DLG2: variants seen among roughly 807,000 people sequenced by gnomAD.
DLG2 encodes discs large MAGUK scaffold protein 2.
In DLG2, 45 loss-of-function variants were observed where a neutral mutation model predicts 132.5. The ratio of observed to expected loss-of-function variants is 0.34; its 90% CI spans 0.27 to 0.44. The LOEUF is 0.44. Among genes scored for constraint, DLG2 ranks in the 20% least tolerant of loss-of-function variants. The pLI is 1.00. For synonymous variants in DLG2, 424 were observed against 419.6 expected (o/e 1.01, Z -0.13); for missense variants, 1,045 against 1,196.9 (o/e 0.87, Z 1.87).
chr11:84,571,107 T>G (rs147560082), intron 6 of DLG2, among the ~76,000 whole-genome samples: 1 of 152,132 alleles, frequency 6.6e-6, no homozygotes, highest in Non-Finnish European at 1.5e-5. Context: ...TAAAAGGGAG[T>G]AAATAAAAAG....
intron 6 of DLG2, among the ~76,000 whole-genome samples, chr11:84,996,468 C>T (rs2057661683): frequency 6.6e-6 from 1 of 152,096 alleles, no homozygotes. Flanking sequence ...ACTTAAGTCA[C>T]CAGTGGTAAT....
intron 16 of DLG2, among the ~76,000 whole-genome samples, chr11:83,850,902 C>T (rs953822641): frequency 3.9e-5 from 6 of 152,096 alleles, no homozygotes; most frequent in South Asian, 2.1e-4. Flanking sequence ...TGAGGCCGGG[C>T]GCGGTGGCTC....
chr11:84,753,285 G>A (rs2066423639), intron 6 of DLG2, among the ~76,000 whole-genome samples: 1 of 152,158 alleles, frequency 6.6e-6, no homozygotes, highest in Non-Finnish European at 1.5e-5. Context: ...GGATAAAGAT[G>A]TGACTGGATA....
At chr11:84,297,389 T>C (rs1463135628) in intron 7 of DLG2, among the ~76,000 whole-genome samples, 3 of 152,144 alleles carry the variant, frequency 2.0e-5, no homozygotes, top group Admixed American at 2.0e-4. Flanking sequence ...AGATATATAA[T>C]ACCTGCAAGT....
chr11:85,558,648 G>C (rs913246179), intron 3 of DLG2, among the ~76,000 whole-genome samples: 15 of 151,824 alleles, frequency 9.9e-5, no homozygotes, highest in African/African-American at 3.6e-4. Context: ...CAATAACATG[G>C]ACAGAGCTGA....
At chr11:84,101,572 T>C (rs188742856) in intron 9 of DLG2, among the ~76,000 whole-genome samples, 1 of 152,216 alleles carries the variant, frequency 6.6e-6, no homozygotes. Context: ...GATCAGTATA[T>C]TTCACGTACT....
chr11:83,575,864 A>G lies in DLG2; in HGVS notation c.1941-34006T>C, dbSNP rs149295465. Among the ~76,000 whole-genome samples the G allele has an allele frequency of 5.8e-3, 876 of 152,318 alleles. 5 individuals carry two copies. The highest frequency in any genetic ancestry group is 0.024 in the Middle Eastern group (7 of 294). ...TGGCCCCAATAAAGTAAAATTCACC[A>G]TGTCTGGCATTTAGTCAAATATTAC... On this transcript the variant is annotated intron_variant, in intron 19 of 27. Coordinates refer to ENST00000376104, the MANE Select transcript of DLG2 (RefSeq NM_001142699.3).
chr11:85,580,345 G>A (rs1219923644), intron 3 of DLG2, among the ~76,000 whole-genome samples: 3 of 152,152 alleles, frequency 2.0e-5, no homozygotes, highest in Non-Finnish European at 4.4e-5. Context: ...CAGAAGTAAG[G>A]CAGCCAGGAG....
chr11:85,251,085 T>C (rs537637000), intron 4 of DLG2, among the ~76,000 whole-genome samples: 1 of 152,250 alleles, frequency 6.6e-6, no homozygotes, highest in East Asian at 1.9e-4. Context: ...ATTCTCAGTA[T>C]AAAAATTGTT....
chr11:83,655,197 A>C (rs1566331148), intron 18 of DLG2, among the ~76,000 whole-genome samples: 1 of 152,218 alleles, frequency 6.6e-6, no homozygotes, highest in East Asian at 1.9e-4. Context: ...ACATAATCTT[A>C]ACACCTAGTT....
intron 5 of DLG2, among the ~76,000 whole-genome samples, chr11:85,117,685 T>A (rs1056967523): frequency 4.0e-5 from 6 of 150,948 alleles, no homozygotes; most frequent in African/African-American, 1.5e-4. Flanking sequence ...AAGAGAAGTC[T>A]ATGACATCCC....
At chr11:84,952,242 G>C (rs1447717819) in intron 6 of DLG2, among the ~76,000 whole-genome samples, 2 of 152,156 alleles carry the variant, frequency 1.3e-5, no homozygotes, top group Non-Finnish European at 2.9e-5. Flanking sequence ...TTTTCTCAGT[G>C]CTTAAGAATA....
intron 7 of DLG2, among the ~76,000 whole-genome samples, chr11:84,377,331 G>A (rs980027504): frequency 1.3e-5 from 2 of 151,850 alleles, no homozygotes; most frequent in African/African-American, 2.4e-5. Flanking sequence ...AGATTAAAGG[G>A]AATTTAAAAG....
rs144477964 is a variant in DLG2, at chr11:85,058,310, A to T, written c.357+53351T>A. Among the ~76,000 whole-genome samples the T allele has an allele frequency of 4.5e-3, 686 of 151,664 alleles. 35 individuals carry two copies. The highest frequency in any genetic ancestry group is 0.036 in the Admixed American group (544 of 15,182). On this transcript the variant is annotated intron_variant, in intron 6 of 27. Coordinates refer to ENST00000376104, the MANE Select transcript of DLG2 (RefSeq NM_001142699.3). ...GATACAGTTTTTATCAACATATAGC[A>T]CCTCTGAACGAGTAAATGTAATGAG...
chr11:83,850,160 GTTTT>G (rs145688257), intron 16 of DLG2, among the ~76,000 whole-genome samples: 2 of 124,304 alleles, frequency 1.6e-5, no homozygotes, highest in African/African-American at 7.2e-5. Context: ...GTGTGTGTGT[GTTTT>G]TTTACTTGAG....
At chr11:83,467,804 T>C (rs1414950594) in intron 25 of DLG2, among the ~76,000 whole-genome samples, 1 of 99,950 alleles carries the variant, frequency 1.0e-5, no homozygotes, top group African/African-American at 3.9e-5. Flanking sequence ...TATATATATA[T>C]ATATATACAC....
At chr11:85,550,933 A>C (rs980687126) in intron 3 of DLG2, among the ~76,000 whole-genome samples, 3 of 152,252 alleles carry the variant, frequency 2.0e-5, no homozygotes, top group Non-Finnish European at 4.4e-5. Flanking sequence ...CTAGATCCTA[A>C]GAAAGACTTT....
chr11:84,953,530 G>A (rs994897839), intron 6 of DLG2, among the ~76,000 whole-genome samples: 1 of 151,960 alleles, frequency 6.6e-6, no homozygotes, highest in African/African-American at 2.4e-5. Flanking sequence ...CCATTTTTTA[G>A]CTTTGTAACT....
intron 6 of DLG2, among the ~76,000 whole-genome samples, chr11:85,109,257 A>G (rs2072316531): frequency 6.6e-6 from 1 of 152,126 alleles, no homozygotes; most frequent in South Asian, 2.1e-4. Flanking sequence ...ACTGGGAGAT[A>G]TAATTACTTT....
Sources: allele counts gnomAD v4.1 joint callset (sites outside exome capture counted in the v4.1 genomes callset), GRCh38; gene constraint gnomAD v4.1.1; transcripts MANE v1.5; gene names NCBI Gene and HGNC (gene_info 2026-07-23, HGNC 2026-07-21).